The following SYT1 variants were observed in gnomAD, a reference collection of about 807,000 sequenced individuals.
SYT1 encodes synaptotagmin 1.
Under a neutral mutation model 44.8 loss-of-function variants are expected in SYT1, and 8 were observed. That is an observed-to-expected ratio of 0.18 (90% CI 0.10 to 0.32). SYT1 has a LOEUF of 0.32. Among genes scored for constraint, SYT1 ranks in the 10% least tolerant of loss-of-function variants. SYT1 has a pLI of 1.00. For synonymous variants in SYT1, 154 were observed against 188.8 expected (o/e 0.82, Z 1.51); for missense variants, 286 against 509.3 (o/e 0.56, Z 4.22).
intron 2 of SYT1, among the ~76,000 whole-genome samples, chr12:79,026,979 TA>T (rs1413880693): frequency 1.3e-5 from 2 of 151,486 alleles, no homozygotes; most frequent in African/African-American, 4.8e-5. Flanking sequence ...ACAGCCGTTA[TA>T]GAAAACAGTG....
chr12:79,235,452 C>G (rs2138632394), intron 4 of SYT1, among the ~76,000 whole-genome samples: 1 of 151,972 alleles, frequency 6.6e-6, no homozygotes, highest in Middle Eastern at 3.4e-3. Context: ...CAAAGATTTT[C>G]TTAACAGGTC....
chr12:79,353,052 G>A (rs1223851554), intron 8 of SYT1, among the ~76,000 whole-genome samples: 1 of 152,132 alleles, frequency 6.6e-6, no homozygotes, highest in Non-Finnish European at 1.5e-5. Flanking sequence ...CAAAAACCTA[G>A]AGTATTAGAG....
At chr12:79,192,882 A>G (rs1873216016) in intron 3 of SYT1, among the ~76,000 whole-genome samples, 1 of 152,148 alleles carries the variant, frequency 6.6e-6, no homozygotes, top group African/African-American at 2.4e-5. Flanking sequence ...CTTTTCCAAT[A>G]AGTTGATACC....
At chr12:78,926,003 A>G (rs1043801582) in intron 1 of SYT1, among the ~76,000 whole-genome samples, 1 of 152,074 alleles carries the variant, frequency 6.6e-6, no homozygotes, top group Non-Finnish European at 1.5e-5. Context: ...ATGTGGCATA[A>G]GCACAGTGTT....
At chr12:78,913,961 G>GA (rs1168953903) in intron 1 of SYT1, among the ~76,000 whole-genome samples, 1 of 151,756 alleles carries the variant, frequency 6.6e-6, no homozygotes, top group African/African-American at 2.4e-5. Context: ...TTTGCCTTGA[G>GA]AAAATCAGTT....
At chr12:79,099,923 T>C (rs371833643) in intron 3 of SYT1, among the ~76,000 whole-genome samples, 7 of 152,088 alleles carry the variant, frequency 4.6e-5, no homozygotes, top group African/African-American at 1.7e-4. Context: ...TTCCAGGTAA[T>C]CGTAGGCATG....
intron 2 of SYT1, among the ~76,000 whole-genome samples, chr12:79,006,185 A>G (rs2137550156): frequency 6.6e-6 from 1 of 152,302 alleles, no homozygotes; most frequent in Admixed American, 6.5e-5. Context: ...GATGGCATTC[A>G]TTACTTTCAG....
chr12:79,325,816 A>G lies in SYT1; in HGVS notation c.810+26265A>G, dbSNP rs1307231682. On this transcript the variant is annotated intron_variant, in intron 8 of 10. Coordinates refer to ENST00000261205, the MANE Select transcript of SYT1 (RefSeq NM_005639.3). Reference sequence around the variant, plus strand: ...CATAAGATAGAGAATATAAAACCTCATCACAGTGTTATTGTAGGGATTAGA... The same window carrying G: ...CATAAGATAGAGAATATAAAACCTCGTCACAGTGTTATTGTAGGGATTAGA... 2.6e-5 allele frequency among the ~76,000 whole-genome samples: 4 copies of G among 152,352 alleles called. No individual in the cohort carries two copies. In the East Asian group the frequency reaches 7.7e-4, roughly 29 times the overall value.
chr12:79,140,385 T>A (rs577361963), intron 3 of SYT1, among the ~76,000 whole-genome samples: 1 of 152,310 alleles, frequency 6.6e-6, no homozygotes, highest in South Asian at 2.1e-4. Context: ...AACTCTTTTC[T>A]AACAGAACAC....
intron 2 of SYT1, among the ~76,000 whole-genome samples, chr12:78,988,851 C>A (rs986803395): frequency 6.6e-5 from 10 of 151,950 alleles, no homozygotes; most frequent in African/African-American, 2.4e-4. Context: ...GTATAGAAGA[C>A]AATATTTAGA....
At chr12:79,128,879 G>A (rs1178569123) in intron 3 of SYT1, among the ~76,000 whole-genome samples, 3 of 152,210 alleles carry the variant, frequency 2.0e-5, no homozygotes, top group Non-Finnish European at 4.4e-5. Context: ...TGGACTTACT[G>A]GTAATTCCCT....
intron 1 of SYT1, among the ~76,000 whole-genome samples, chr12:78,880,372 C>T (rs1021394853): frequency 6.6e-6 from 1 of 151,596 alleles, no homozygotes; most frequent in Non-Finnish European, 1.5e-5. Context: ...TCTTGTAGTA[C>T]ATTTATATCT....
At chr12:79,210,128 T>C (rs1479688308) in intron 3 of SYT1, among the ~76,000 whole-genome samples, 1 of 152,122 alleles carries the variant, frequency 6.6e-6, no homozygotes, top group East Asian at 1.9e-4. Context: ...TAGAGATAGG[T>C]ATAATTAAAG....
intron 9 of SYT1, among the ~76,000 whole-genome samples, chr12:79,427,901 A>C (rs1195163850): frequency 2.0e-5 from 3 of 152,204 alleles, no homozygotes. Flanking sequence ...CTTATGGTAT[A>C]ATTACTGGAT....
At chr12:79,158,233 G>A (rs1870720821) in intron 3 of SYT1, among the ~76,000 whole-genome samples, 1 of 152,060 alleles carries the variant, frequency 6.6e-6, no homozygotes, top group Admixed American at 6.6e-5. Flanking sequence ...CAACTAGATG[G>A]TCCCATCTGG....
intron 1 of SYT1, among the ~76,000 whole-genome samples, chr12:78,901,264 T>C (rs1373699343): frequency 6.6e-6 from 1 of 152,154 alleles, no homozygotes; most frequent in Non-Finnish European, 1.5e-5. Context: ...GAATTGAATG[T>C]GGACCTCCTA....
chr12:79,059,985 C>T (rs1875255165), intron 3 of SYT1, among the ~76,000 whole-genome samples: 1 of 152,104 alleles, frequency 6.6e-6, no homozygotes, highest in African/African-American at 2.4e-5. Flanking sequence ...ACCTGTGCTC[C>T]TAGACATTAT....
At chr12:79,331,493 T>G (rs1272995252) in intron 8 of SYT1, among the ~76,000 whole-genome samples, 1 of 152,186 alleles carries the variant, frequency 6.6e-6, no homozygotes, top group Non-Finnish European at 1.5e-5. Context: ...GAAAGACTTT[T>G]TAGGACATCT....
At chr12:79,108,094 C>T (rs1385763175) in intron 3 of SYT1, among the ~76,000 whole-genome samples, 1 of 151,392 alleles carries the variant, frequency 6.6e-6, no homozygotes, top group African/African-American at 2.4e-5. Flanking sequence ...AATGACATTA[C>T]TTTTTTTTAA....
Sources: gnomAD v4.1 joint callset for allele counts (sites outside exome capture counted in the v4.1 genomes callset) on GRCh38, gnomAD v4.1.1 for gene constraint, MANE v1.5 for transcripts, NCBI Gene and HGNC (gene_info 2026-07-23, HGNC 2026-07-21) for gene names.